RALGAPA2: variants seen among roughly 807,000 people sequenced by gnomAD.
RALGAPA2 encodes the protein ral GTPase-activating protein subunit alpha-2.
Under a neutral mutation model 230.4 loss-of-function variants are expected in RALGAPA2, and 139 were observed. The observed-to-expected ratio is 0.60, with a 90% CI of 0.53 to 0.69. The LOEUF (loss-of-function observed/expected upper bound fraction) is 0.69, where lower values mean the gene tolerates loss of function less well. RALGAPA2 is among the 30% of genes least tolerant of loss of function. The probability of loss-of-function intolerance (pLI) is 0.00; values close to 1 mark genes in which losing one functional copy is unlikely to be tolerated. For synonymous variants in RALGAPA2, 847 were observed against 837.8 expected (o/e 1.01, Z -0.19); for missense variants, 2,163 against 2,276.0 (o/e 0.95, Z 1.01).
Position 20,520,910 on chromosome 20 carries a change from T to C in RALGAPA2, c.4084+7A>G. ...CCACAAGATTTCATACCTGAAAGAA[T>C]ACTCACCCTCTTCAACAGTCAGCAG... On this transcript the variant is annotated splice_region_variant and intron_variant, in intron 31 of 39. Transcript: ENST00000202677. The C allele has an allele frequency of 1.9e-6, 3 of 1,585,184 alleles. No individual in the cohort carries two copies. The highest frequency in any genetic ancestry group is 2.6e-6 in the Non-Finnish European group (3 of 1,158,802).
chr20:20,683,975 C>T (rs1196542756), intron 1 of RALGAPA2, among the ~76,000 whole-genome samples: 1 of 152,182 alleles, frequency 6.6e-6, no homozygotes, highest in African/African-American at 2.4e-5. Context: ...AACTTCTGAG[C>T]ACATGCAGAG....
At chr20:20,535,949 A>G (rs934597544) in intron 25 of RALGAPA2, 146 bp from the exon 26 acceptor site, 5 of 1,328,430 alleles carry the variant, frequency 3.8e-6, no homozygotes, top group African/African-American at 1.5e-5. Flanking sequence ...CCTGGGGGGA[A>G]GAAGAACACT....
At chr20:20,509,618 A>G (rs1455659024) in intron 33 of RALGAPA2, among the ~76,000 whole-genome samples, 1 of 152,226 alleles carries the variant, frequency 6.6e-6, no homozygotes, top group Admixed American at 6.5e-5. Flanking sequence ...TCATGCTTCA[A>G]CATGTATGTA....
Position 20,629,537 on chromosome 20 carries a change from CCCA to C in RALGAPA2, c.1056_1058del (p.Gly353del). On this transcript the variant is annotated inframe_deletion, in exon 10 of 40. Transcript: ENST00000202677. Reference sequence around the variant, plus strand: ...AATGGCTTTTGTCCTGCTCCGTGGGCCCACCACCATCCAGCTCAGGCGCTCTCT... The same window carrying C: ...AATGGCTTTTGTCCTGCTCCGTGGGCCCACCATCCAGCTCAGGCGCTCTCT... 1.2e-6 allele frequency: 2 copies of C among 1,613,900 alleles called. No individual in the cohort carries two copies. Among genetic ancestry groups the C allele is most frequent in the Non-Finnish European group, 1.7e-6 (2 of 1,179,876 alleles).
At chr20:20,519,523 G>A (rs2062975000) in intron 31 of RALGAPA2, among the ~76,000 whole-genome samples, 1 of 152,118 alleles carries the variant, frequency 6.6e-6, no homozygotes, top group East Asian at 1.9e-4. Context: ...ATGTTATCTG[G>A]CTGGACCCAC....
chr20:20,678,999 T>C (rs560324708), intron 2 of RALGAPA2, among the ~76,000 whole-genome samples: 1 of 152,298 alleles, frequency 6.6e-6, no homozygotes, highest in South Asian at 2.1e-4. Flanking sequence ...TCCATCGCTT[T>C]CCTTTGCATA....
intron 12 of RALGAPA2, among the ~76,000 whole-genome samples, chr20:20,616,551 T>C (rs2066147785): frequency 6.6e-6 from 1 of 152,090 alleles, no homozygotes; most frequent in Non-Finnish European, 1.5e-5. Flanking sequence ...GATCGTTGCA[T>C]ATGAGTGAGA....
chr20:20,654,479 C>G (rs573581123), intron 3 of RALGAPA2, among the ~76,000 whole-genome samples: 1 of 152,246 alleles, frequency 6.6e-6, no homozygotes, highest in Non-Finnish European at 1.5e-5. Flanking sequence ...CGTGGGCCAC[C>G]ACGTCCAGCC....
At chr20:20,652,682 G>T (rs938735091) in intron 4 of RALGAPA2, among the ~76,000 whole-genome samples, 1 of 152,160 alleles carries the variant, frequency 6.6e-6, no homozygotes, top group African/African-American at 2.4e-5. Flanking sequence ...GATTGAAGGA[G>T]ACACTGTTTA....
intron 13 of RALGAPA2, 89 bp from the exon 14 acceptor site, chr20:20,611,515 A>T: frequency 6.7e-7 from 1 of 1,499,820 alleles, no homozygotes; most frequent in Non-Finnish European, 8.9e-7. Context: ...TTAAGAATTC[A>T]GCAACATTGA....
intron 3 of RALGAPA2, among the ~76,000 whole-genome samples, chr20:20,670,512 C>T (rs528510367): frequency 9.2e-5 from 14 of 152,058 alleles, no homozygotes; most frequent in East Asian, 1.9e-4. Flanking sequence ...ATGTAGATTC[C>T]GGTTAAGATG....
chr20:20,533,885 A>C (rs1462100774), intron 26 of RALGAPA2, among the ~76,000 whole-genome samples: 2 of 152,210 alleles, frequency 1.3e-5, no homozygotes, highest in Non-Finnish European at 2.9e-5. Context: ...AAATGTTTAT[A>C]TCTGTGCAGG....
At chr20:20,637,891 T>C (rs1479278406) in intron 7 of RALGAPA2, among the ~76,000 whole-genome samples, 1 of 152,174 alleles carries the variant, frequency 6.6e-6, no homozygotes, top group African/African-American at 2.4e-5. Context: ...AGGCCATTTA[T>C]AATAAATAGA....
chr20:20,620,694 C>T, intron 10 of RALGAPA2, 64 bp from the exon 11 acceptor site: 1 of 1,356,638 alleles, frequency 7.4e-7, no homozygotes, highest in South Asian at 1.5e-5. Context: ...AGGGCAGCAT[C>T]ACGGACATTC....
At position 20,611,344 on chromosome 20, in the gene RALGAPA2, C is replaced by A. The variant is rs2065969182; in HGVS notation, c.1771G>T (p.Ala591Ser). 1.2e-6 allele frequency: 2 copies of A among 1,613,206 alleles called. No individual in the cohort carries two copies. The highest frequency in any genetic ancestry group is 2.2e-5 in the South Asian group (2 of 90,964). Residue 591 changes from alanine to serine, a missense_variant, in exon 14 of 40, where the codon GCC becomes TCC. Transcript: ENST00000202677. ...AATAGTAACCCTGCCAAGCTCTGGG[C>A]AAACAAGTCCTTTATTTGTTTATCC... Reference protein sequence around the residue: ...PKDKQIKDLFAQSLAGLLFRT... With the variant: ...PKDKQIKDLFSQSLAGLLFRT...
chr20:20,458,873 TATAC>T (rs1291946520), intron 37 of RALGAPA2, among the ~76,000 whole-genome samples: 4 of 134,554 alleles, frequency 3.0e-5, no homozygotes, highest in African/African-American at 1.2e-4. Context: ...TATATATATA[TATAC>T]ACACACACAA....
intron 24 of RALGAPA2, among the ~76,000 whole-genome samples, chr20:20,544,001 T>G (rs1263651071): frequency 6.6e-6 from 1 of 151,754 alleles, no homozygotes; most frequent in Admixed American, 6.6e-5. Flanking sequence ...AACAGATACT[T>G]CTCAAAAGAA....
intron 33 of RALGAPA2, among the ~76,000 whole-genome samples, chr20:20,505,889 C>G (rs1164539885): frequency 6.6e-6 from 1 of 152,130 alleles, no homozygotes; most frequent in Non-Finnish European, 1.5e-5. Flanking sequence ...TGGGGCACAC[C>G]ATTTGGTAAG....
chr20:20,468,025 C>T (rs1250485415), intron 37 of RALGAPA2, among the ~76,000 whole-genome samples: 1 of 152,120 alleles, frequency 6.6e-6, no homozygotes, highest in Non-Finnish European at 1.5e-5. Context: ...TCCCATTCTT[C>T]TTCTTCTTTT....
Sources: gnomAD v4.1 joint callset for allele counts (sites outside exome capture counted in the v4.1 genomes callset) on GRCh38, gnomAD v4.1.1 for gene constraint, MANE v1.5 for transcripts, NCBI Gene and HGNC (gene_info 2026-07-23, HGNC 2026-07-21) for gene names.